The following FSD1L variants were observed in gnomAD, a reference collection of about 807,000 sequenced individuals.
The protein encoded by FSD1L is fibronectin type III and SPRY domain containing 1 like, also known as FSD1-like protein.
Under a neutral mutation model 71.6 loss-of-function variants are expected in FSD1L, and 45 were observed. The observed-to-expected ratio is 0.63, with a 90% confidence interval of 0.49 to 0.81. FSD1L has a LOEUF of 0.81. Among genes scored for constraint, FSD1L ranks in the 30% least tolerant of loss-of-function variants. The pLI is 0.00. For missense variants in FSD1L, 561 were observed against 618.1 expected (o/e 0.91, Z 0.98); for synonymous variants, 197 against 207.2 (o/e 0.95, Z 0.42).
At chr9:105,520,121 C>CAGCGGCAGG (rs1835040497) in intron 10 of FSD1L, 1 of 1,593,492 alleles carries the variant, frequency 6.3e-7, no homozygotes, top group African/African-American at 1.3e-5. Context: ...GCAGTGGCAG[C>CAGCGGCAGG]GGCAGGATGT....
chr9:105,447,429 T>C (rs1829691644), upstream of FSD1L, among the ~76,000 whole-genome samples: 1 of 151,942 alleles, frequency 6.6e-6, no homozygotes, highest in Non-Finnish European at 1.5e-5. Context: ...AAGTCCGCAT[T>C]ATTTCTCTCA....
intron 10 of FSD1L, among the ~76,000 whole-genome samples, chr9:105,519,077 A>G (rs1277066844): frequency 6.6e-6 from 1 of 152,218 alleles, no homozygotes; most frequent in African/African-American, 2.4e-5. Flanking sequence ...ATTCCTGGAC[A>G]CATACACCCT....
rs530520195 is a variant in FSD1L at position 105,486,143 on chromosome 9, A to C, written c.586+1641A>C. On this transcript the variant is annotated intron_variant, in intron 7 of 13. Coordinates refer to ENST00000481272, the MANE Select transcript of FSD1L (RefSeq NM_001145313.3). ...GATTAGAAGCTCTAGAGGAGTTCATAAAATGAAAAGATGAGAGAAGGAACT... is the reference window on the plus strand; with the variant it reads ...GATTAGAAGCTCTAGAGGAGTTCATCAAATGAAAAGATGAGAGAAGGAACT... Among the ~76,000 whole-genome samples, 7 of 152,326 alleles carry C rather than the reference A, an allele frequency of 4.6e-5. No individual in the cohort carries two copies. In the South Asian group the frequency reaches 1.4e-3, roughly 32 times the overall value.
At chr9:105,466,331 G>T (rs1216283627) in intron 3 of FSD1L, among the ~76,000 whole-genome samples, 1 of 152,162 alleles carries the variant, frequency 6.6e-6, no homozygotes, top group Non-Finnish European at 1.5e-5. Context: ...CAGATTCATT[G>T]TAATCTCTAT....
chr9:105,479,886 C>G (rs574002101), intron 6 of FSD1L, among the ~76,000 whole-genome samples: 1 of 152,224 alleles, frequency 6.6e-6, no homozygotes, highest in South Asian at 2.1e-4. Flanking sequence ...CCACCACTAT[C>G]TAGTTAATAT....
In FSD1L at chr9:105,461,593, C is replaced by T; in HGVS notation, c.89C>T (p.Pro30Leu). 6.4e-7 allele frequency: 1 copy of T among 1,550,516 alleles called. No individual in the cohort carries two copies. The highest frequency in any genetic ancestry group is 8.7e-7 in the Non-Finnish European group (1 of 1,145,730). ...CTGATCTCTAACATCACTATTGGAC[C>T]AGAGTCTATTAACTTGCAGCAGGTT... ...CFLISNITIG[P>L]ESINLQQEAL... Residue 30 changes from proline (P) to leucine (L), a missense_variant, in exon 2 of 14, where the codon CCA (proline) becomes CTA (leucine). By Grantham distance (98) the Pro-to-Leu change is moderately conservative (BLOSUM62 -3). Around this residue, in one of 3 missense-constraint regions of FSD1L, gnomAD observed 410 missense variants for 413.5 expected, o/e 0.99. Transcript: ENST00000481272.
At chr9:105,505,449 CG>C (rs1250323140) in intron 7 of FSD1L, among the ~76,000 whole-genome samples, 16 of 152,094 alleles carry the variant, frequency 1.1e-4, no homozygotes, top group African/African-American at 3.9e-4. Context: ...TTAGTAGAGA[CG>C]GGGTTTCACT....
chr9:105,523,895 T>A, intron 10 of FSD1L: 1 of 1,592,116 alleles, frequency 6.3e-7, no homozygotes, highest in Non-Finnish European at 8.6e-7. Flanking sequence ...TTATGGATTT[T>A]ATTGTAGCAG....
At position 105,506,383 on chromosome 9, in the gene FSD1L, T is replaced by C. The variant is rs762854222; in HGVS notation, c.587-16T>C. On this transcript the variant is annotated splice_polypyrimidine_tract_variant and intron_variant, in intron 7 of 13. Coordinates refer to ENST00000481272, the MANE Select transcript of FSD1L (RefSeq NM_001145313.3). ...ATGAGGAATGAATGAGTCTTTTTTT[T>C]TTTTCTTCTTTGCAGTCCCCAAAGC... is the stretch of plus-strand genomic sequence containing the variant. The C allele has an allele frequency of 1.3e-6, 2 of 1,522,124 alleles. No individual in the cohort carries two copies. The highest frequency in any genetic ancestry group is 2.5e-5 in the South Asian group (2 of 80,030). 94.3% of individuals were successfully genotyped at this position (1,522,124 alleles called of 1,614,324 possible). A position where few individuals can be genotyped will look rare whatever the true frequency, so the allele number is the denominator to read the frequency against.
At chr9:105,477,763 C>T (rs543266420) in intron 5 of FSD1L, among the ~76,000 whole-genome samples, 314 of 152,272 alleles carry the variant, frequency 2.1e-3, no homozygotes, top group Non-Finnish European at 3.5e-3. Flanking sequence ...ATCTCTGGTA[C>T]TACAGTAGTT....
At chr9:105,524,529 C>T (rs1835384539) in intron 10 of FSD1L, 1 of 1,613,828 alleles carries the variant, frequency 6.2e-7, no homozygotes, top group Admixed American at 1.7e-5. Context: ...AAAATCTGTT[C>T]TCAATTGCAT....
At chr9:105,522,533 T>G in intron 10 of FSD1L, 49 of 1,613,664 alleles carry the variant, frequency 3.0e-5, no homozygotes, top group Non-Finnish European at 4.1e-5. Context: ...TTGATGATGC[T>G]CAAATACTTC....
intron 4 of FSD1L, 67 bp from the exon 5 acceptor site, chr9:105,471,837 A>G: frequency 8.5e-6 from 5 of 586,026 alleles, no homozygotes; most frequent in Middle Eastern, 3.2e-4. Flanking sequence ...AACAATATAT[A>G]TTTAAGATTC....
rs1053319505 is a variant in FSD1L at position 105,522,083 on chromosome 9, GA to G, written c.1025+9148del. ...TACAGTTCCAAGGGAAAAAAAATAT[GA>G]CCTTGGCAGGTCGACTTGCAGGACC... On this transcript the variant is annotated intron_variant, in intron 10 of 13. Coordinates refer to ENST00000481272, the MANE Select transcript of FSD1L (RefSeq NM_001145313.3). 4 of 1,613,122 alleles carry G rather than the reference GA, an allele frequency of 2.5e-6. No homozygotes were observed. The African/African-American group carries it at 5.3e-5, about 22-fold the overall frequency.
chr9:105,521,610 G>A lies in FSD1L; in HGVS notation c.1025+8674G>A, dbSNP rs1043144311. 16 of 1,613,098 alleles carry A rather than the reference G, an allele frequency of 9.9e-6. No individual in the cohort carries two copies. The East Asian group carries it at 2.7e-4, about 27-fold the overall frequency. On this transcript the variant is annotated intron_variant, in intron 10 of 13. Transcript: ENST00000481272. ...AAAACCTTTGTTCATGCAAGAGCCTGAAGAAATTGTGATCACTTCTTCAGA... is the reference window on the plus strand; with the variant it reads ...AAAACCTTTGTTCATGCAAGAGCCTAAAGAAATTGTGATCACTTCTTCAGA...
intron 7 of FSD1L, among the ~76,000 whole-genome samples, chr9:105,492,850 C>T (rs1008763615): frequency 8.5e-5 from 13 of 152,178 alleles, no homozygotes; most frequent in South Asian, 2.1e-4. Context: ...TTTGATTGCA[C>T]TGTGGTCTGA....
At chr9:105,545,732 G>A (rs1234091798) in intron 13 of FSD1L, among the ~76,000 whole-genome samples, 1 of 151,898 alleles carries the variant, frequency 6.6e-6, no homozygotes, top group African/African-American at 2.4e-5. Flanking sequence ...ACGTTTATTG[G>A]TTTGCGTATG....
At chr9:105,493,830 C>T (rs1043856005) in intron 7 of FSD1L, among the ~76,000 whole-genome samples, 1 of 152,128 alleles carries the variant, frequency 6.6e-6, no homozygotes, top group Non-Finnish European at 1.5e-5. Context: ...ATATTGGCCC[C>T]CACTCTCTTC....
upstream of FSD1L, among the ~76,000 whole-genome samples, chr9:105,446,161 T>A (rs1718818581): frequency 6.6e-6 from 1 of 152,046 alleles, no homozygotes; most frequent in Non-Finnish European, 1.5e-5. Flanking sequence ...AATGACAACA[T>A]TGTAGAATAA....
Sources: allele counts gnomAD v4.1 joint callset (sites outside exome capture counted in the v4.1 genomes callset), GRCh38; gene constraint gnomAD v4.1.1; regional missense constraint gnomAD v4.1.1; transcripts MANE v1.5; gene names NCBI Gene and HGNC (gene_info 2026-07-23, HGNC 2026-07-21).